GOLGA3: variants seen among roughly 807,000 people sequenced by gnomAD.
GOLGA3 encodes golgin A3, also known as golgin subfamily A member 3.
GOLGA3 carries 75 observed loss-of-function variants against 169.4 expected under a neutral mutation model. The observed-to-expected ratio is 0.44, with a 90% CI of 0.37 to 0.54. The LOEUF is 0.54. Ranked by LOEUF, GOLGA3 falls within the 20% of genes least tolerant of loss-of-function variation. GOLGA3 has a pLI of 0.00. For synonymous variants in GOLGA3, 824 were observed against 822.4 expected (o/e 1.00, Z -0.03); for missense variants, 1,899 against 1,930.0 (o/e 0.98, Z 0.30).
intron 8 of GOLGA3, among the ~76,000 whole-genome samples, chr12:132,800,218 G>A (rs372015088): frequency 2.0e-5 from 3 of 152,284 alleles, no homozygotes; most frequent in South Asian, 2.1e-4. Flanking sequence ...TGTAACAGTC[G>A]AGTGTGGTGG....
intron 9 of GOLGA3, among the ~76,000 whole-genome samples, 181 bp downstream of exon 9, chr12:132,798,159 C>A (rs1270308131): frequency 1.3e-5 from 1 of 78,636 alleles, no homozygotes; most frequent in African/African-American, 5.3e-5. Context: ...GCTAAGCCCC[C>A]ACAGGTGAGG....
At position 132,804,883 on chromosome 12, in the gene GOLGA3, C is replaced by T; in HGVS notation, c.1430G>A (p.Cys477Tyr). ...AGTCATGGCTCGCTCCAGGTCCCAG[C>T]ACGACTGCTTCAGGGTGTCCACCTC... ...SSEVDTLKQS[C>Y]WDLERAMTDL... Residue 477 changes from cysteine to tyrosine, a missense_variant, in exon 7 of 24, where the codon TGC becomes TAC. Cys to Tyr is a radical substitution (Grantham distance 194, BLOSUM62 -2). Transcript: ENST00000450791. The surrounding 1 kb of genome is among the most constrained non-coding windows in gnomAD (Gnocchi z 4.1). 6.2e-7 allele frequency: 1 copy of T among 1,614,118 alleles called. No homozygotes were observed. The highest frequency in any genetic ancestry group is 8.5e-7 in the Non-Finnish European group (1 of 1,180,032).
intron 3 of GOLGA3, 58 bp from the exon 4 acceptor site, chr12:132,813,477 A>C: frequency 1.1e-6 from 1 of 924,790 alleles, no homozygotes; most frequent in Non-Finnish European, 1.7e-6. Context: ...CAGAACAATC[A>C]GGCACAAGAA....
At chr12:132,785,346 C>T (rs1230496097) in intron 15 of GOLGA3, among the ~76,000 whole-genome samples, 1 of 152,204 alleles carries the variant, frequency 6.6e-6, no homozygotes, top group Non-Finnish European at 1.5e-5. Context: ...GTCTCTATCG[C>T]CCGGGCTGGA....
chr12:132,780,996 C>T, intron 17 of GOLGA3, 82 bp from the exon 18 acceptor site: 3 of 949,002 alleles, frequency 3.2e-6, no homozygotes, highest in Non-Finnish European at 5.1e-6. Flanking sequence ...CAACGTGACA[C>T]ACGCCACATC....
At chr12:132,800,737 T>A (rs181751690) in intron 8 of GOLGA3, among the ~76,000 whole-genome samples, 2 of 152,094 alleles carry the variant, frequency 1.3e-5, no homozygotes, top group Admixed American at 6.6e-5. Flanking sequence ...GAGGCAGGCA[T>A]CACTTGAGCC....
intron 4 of GOLGA3, among the ~76,000 whole-genome samples, chr12:132,810,908 C>T (rs529319676): frequency 7.9e-5 from 12 of 152,346 alleles, no homozygotes; most frequent in African/African-American, 2.9e-4. Flanking sequence ...ATGTTCCATC[C>T]TGTACACGTG....
Position 132,772,816 on chromosome 12 carries a change from G to A in GOLGA3, c.*289C>T. 3.3e-6 allele frequency: 1 copy of A among 303,062 alleles called. No homozygotes were observed. 18.8% of individuals were successfully genotyped at this position (303,062 alleles called of 1,614,324 possible). A position where few individuals can be genotyped will look rare whatever the true frequency, so the allele number is the denominator to read the frequency against. ...GTCACCCGCAGAGAGCAGCATCGGT[G>A]GCCGCTCAGAAGCCACGACCTACAA... On this transcript the variant is annotated 3_prime_UTR_variant, in exon 24 of 24. Transcript: ENST00000450791.
Position 132,780,852 on chromosome 12 carries a change from G to T in GOLGA3, c.3528C>A (p.Ala1176=), listed in dbSNP as rs1416229029. ...EDRQMKHLVQ[A]LQASLEKEKE... is the part of the protein sequence containing the mutation. ...TCTCCTTCTCTAGTGAGGCCTGCAG[G>T]GCCTGGACAAGATGCTTCATCTGGC... Residue 1176 remains alanine (A), a synonymous_variant, in exon 18 of 24, where the codon GCC becomes GCA. Coordinates refer to ENST00000450791, the MANE Select transcript of GOLGA3 (RefSeq NM_001389683.1). 6.2e-7 allele frequency: 1 copy of T among 1,612,462 alleles called. No individual in the cohort carries two copies. The highest frequency in any genetic ancestry group is 2.2e-5 in the East Asian group (1 of 44,884).
intron 4 of GOLGA3, 108 bp from the exon 5 acceptor site, chr12:132,808,657 CCA>C (rs1250089780): frequency 7.1e-6 from 6 of 842,874 alleles, no homozygotes; most frequent in Non-Finnish European, 1.1e-5. Context: ...CCGCTGACAA[CCA>C]GAGAGCACCA....
rs2045278330 is a variant in GOLGA3 at position 132,776,900 on chromosome 12, A to T, written c.3855+58T>A. 6 of 1,547,388 alleles carry T rather than the reference A, an allele frequency of 3.9e-6. No homozygotes were observed. In the South Asian group the frequency reaches 7.5e-5, roughly 19 times the overall value. Reference sequence around the variant, plus strand: ...TTGCTCCCCAAGCAGGATGGAGTGAAGTCACCCAGGGCACCCGTGAGTCCA... The same window carrying T: ...TTGCTCCCCAAGCAGGATGGAGTGATGTCACCCAGGGCACCCGTGAGTCCA... On this transcript the variant is annotated intron_variant, in intron 20 of 23. Transcript: ENST00000450791.
intron 21 of GOLGA3, among the ~76,000 whole-genome samples, chr12:132,776,081 G>A (rs1566066816): frequency 6.6e-6 from 1 of 152,228 alleles, no homozygotes; most frequent in African/African-American, 2.4e-5. Flanking sequence ...CTGCCTGGCC[G>A]CAGGCCGCAT....
At chr12:132,801,191 G>A (rs1239066829) in intron 8 of GOLGA3, among the ~76,000 whole-genome samples, 3 of 152,234 alleles carry the variant, frequency 2.0e-5, no homozygotes, top group Non-Finnish European at 4.4e-5. Context: ...GGCTGTGCCC[G>A]CTAACGAGTG....
At position 132,804,163 on chromosome 12, in the gene GOLGA3, C is replaced by T. The variant is rs1443238570; in HGVS notation, c.1597+553G>A. On this transcript the variant is annotated intron_variant, in intron 7 of 23. Coordinates refer to ENST00000450791, the MANE Select transcript of GOLGA3 (RefSeq NM_001389683.1). The surrounding 1 kb of genome is among the most constrained non-coding windows in gnomAD (Gnocchi z 4.1). Reference sequence around the variant, plus strand: ...CTATAGGGAGGCAGCTGGACCGACGCACTGCATCCAGGGAGAAAAGGTTGC... The same window carrying T: ...CTATAGGGAGGCAGCTGGACCGACGTACTGCATCCAGGGAGAAAAGGTTGC... Among the ~76,000 whole-genome samples, 1 of 152,224 alleles carries T rather than the reference C, an allele frequency of 6.6e-6. No individual in the cohort carries two copies. The highest frequency in any genetic ancestry group is 2.4e-5 in the African/African-American group (1 of 41,456).
At position 132,773,049 on chromosome 12, in the gene GOLGA3, A is replaced by G; in HGVS notation, c.*56T>C. ...AAACATCGACCACACAATCAAATAAATAACATTGATAAGAGCCTTCTGGGG... is the reference window on the plus strand; with the variant it reads ...AAACATCGACCACACAATCAAATAAGTAACATTGATAAGAGCCTTCTGGGG... On this transcript the variant is annotated 3_prime_UTR_variant, in exon 24 of 24. Transcript: ENST00000450791. The G allele has an allele frequency of 1.7e-6, 2 of 1,211,036 alleles. No homozygotes were observed. The highest frequency in any genetic ancestry group is 2.3e-6 in the Non-Finnish European group (2 of 882,914). 75.0% of individuals were successfully genotyped at this position (1,211,036 alleles called of 1,614,324 possible).
At chr12:132,802,928 G>A (rs543958995) in intron 7 of GOLGA3, among the ~76,000 whole-genome samples, 3 of 152,252 alleles carry the variant, frequency 2.0e-5, no homozygotes, top group East Asian at 1.9e-4. Context: ...GGTGGCAGAC[G>A]CCTGTAATAC....
At chr12:132,789,507 G>A (rs1256264966) in intron 12 of GOLGA3, among the ~76,000 whole-genome samples, 2 of 152,206 alleles carry the variant, frequency 1.3e-5, no homozygotes, top group Non-Finnish European at 2.9e-5. Flanking sequence ...ACTGCGTGGT[G>A]CACAAGGCAG....
rs2045564484 is a variant in GOLGA3 at position 132,780,919 on chromosome 12, A to G, written c.3466-5T>C. The G allele has an allele frequency of 6.2e-7, 1 of 1,603,750 alleles. No individual in the cohort carries two copies. The highest frequency in any genetic ancestry group is 1.1e-5 in the South Asian group (1 of 90,960). ...GCGCTGCAAAACTGCCTGCACCTAG[A>G]TCAGATTGCAGGAGGACAGATAAGG... On this transcript the variant is annotated splice_region_variant and splice_polypyrimidine_tract_variant and intron_variant, in intron 17 of 23. Transcript: ENST00000450791.
At chr12:132,821,710 CG>C (rs1443178039) in intron 2 of GOLGA3, among the ~76,000 whole-genome samples, 13 of 149,906 alleles carry the variant, frequency 8.7e-5, no homozygotes, top group African/African-American at 3.2e-4. Context: ...AAAAATTAGC[CG>C]GGCGCGGTGG....
Sources: gnomAD v4.1 joint callset for allele counts (sites outside exome capture counted in the v4.1 genomes callset) on GRCh38, gnomAD v4.1.1 for gene constraint, Gnocchi (gnomAD v3.1) non-coding constraint, MANE v1.5 for transcripts, NCBI Gene and HGNC (gene_info 2026-07-23, HGNC 2026-07-21) for gene names.